Variants in MAST4 observed in about 807,000 individuals in gnomAD.
MAST4 encodes microtubule-associated serine/threonine-protein kinase 4.
MAST4 carries 89 observed loss-of-function variants against 162.7 expected under a neutral mutation model. That is an observed-to-expected ratio of 0.55 (90% CI 0.46 to 0.65). The LOEUF (loss-of-function observed/expected upper bound fraction) is 0.65, where lower values mean the gene tolerates loss of function less well. Among genes scored for constraint, MAST4 ranks in the 30% least tolerant of loss-of-function variants. MAST4 has a pLI of 0.00. For synonymous variants in MAST4, 1,479 were observed against 1,361.1 expected (o/e 1.09, Z -1.91); for missense variants, 3,153 against 3,374.0 (o/e 0.93, Z 1.62).
intron 4 of MAST4, among the ~76,000 whole-genome samples, chr5:67,015,973 A>G (rs1753243121): frequency 6.6e-6 from 1 of 152,202 alleles, no homozygotes; most frequent in South Asian, 2.1e-4. Flanking sequence ...TGTATGCCAA[A>G]TATTTATTGA....
intron 24 of MAST4, among the ~76,000 whole-genome samples, chr5:67,152,431 C>G (rs934987552): frequency 6.6e-6 from 1 of 152,204 alleles, no homozygotes; most frequent in Non-Finnish European, 1.5e-5. Flanking sequence ...AATAGCAACA[C>G]TCTTGAAGTT....
chr5:66,911,686 A>T (rs1763788984), intron 4 of MAST4, among the ~76,000 whole-genome samples: 1 of 151,052 alleles, frequency 6.6e-6, no homozygotes, highest in South Asian at 2.1e-4. Context: ...CTGAGCTGTG[A>T]TCATACCACT....
At chr5:66,739,803 GT>G (rs908007499) in intron 1 of MAST4, among the ~76,000 whole-genome samples, 3 of 140,988 alleles carry the variant, frequency 2.1e-5, no homozygotes, top group Non-Finnish European at 3.1e-5. Flanking sequence ...TTTTGTACAT[GT>G]TTTTTTTTCT....
chr5:66,653,151 A>C (rs1163559729), intron 1 of MAST4, among the ~76,000 whole-genome samples: 1 of 152,218 alleles, frequency 6.6e-6, no homozygotes, highest in African/African-American at 2.4e-5. Flanking sequence ...TTCATCATTA[A>C]TAGCACTATG....
intron 1 of MAST4, among the ~76,000 whole-genome samples, chr5:66,629,849 C>A (rs1026785160): frequency 6.6e-6 from 1 of 152,168 alleles, no homozygotes; most frequent in Non-Finnish European, 1.5e-5. Context: ...TTTATTATCG[C>A]TTCTTGGCCT....
intron 5 of MAST4, among the ~76,000 whole-genome samples, chr5:67,063,496 T>A (rs1480373986): frequency 6.6e-6 from 1 of 152,240 alleles, no homozygotes; most frequent in Non-Finnish European, 1.5e-5. Flanking sequence ...TCTCTGGGTG[T>A]AAGAGAATTT....
intron 5 of MAST4, among the ~76,000 whole-genome samples, chr5:67,056,256 A>C (rs1758806587): frequency 6.6e-6 from 1 of 152,038 alleles, no homozygotes; most frequent in South Asian, 2.1e-4. Flanking sequence ...TACTTCTATT[A>C]CTACCATTTC....
intron 4 of MAST4, among the ~76,000 whole-genome samples, chr5:66,968,971 T>C (rs1192471911): frequency 6.6e-6 from 1 of 152,234 alleles, no homozygotes; most frequent in Non-Finnish European, 1.5e-5. Flanking sequence ...ATGTAAGTTC[T>C]GGAGGGCAAG....
At chr5:66,861,113 T>A (rs1415271306) in intron 3 of MAST4, among the ~76,000 whole-genome samples, 1 of 152,260 alleles carries the variant, frequency 6.6e-6, no homozygotes, top group African/African-American at 2.4e-5. Context: ...ATCCTTCTGC[T>A]ACATGTGATT....
chr5:66,807,952 G>C (rs936482715), intron 3 of MAST4, among the ~76,000 whole-genome samples: 1 of 152,228 alleles, frequency 6.6e-6, no homozygotes, highest in Non-Finnish European at 1.5e-5. Flanking sequence ...TGATGGAAAA[G>C]AACAGTTGAC....
chr5:66,997,115 T>C (rs1053648595), intron 4 of MAST4, among the ~76,000 whole-genome samples: 1 of 152,176 alleles, frequency 6.6e-6, no homozygotes, highest in Non-Finnish European at 1.5e-5. Flanking sequence ...TTGTATCTTT[T>C]GTATAAATAT....
chr5:67,157,551 C>T (rs1683853899), intron 26 of MAST4, among the ~76,000 whole-genome samples: 1 of 152,158 alleles, frequency 6.6e-6, no homozygotes. Context: ...TTTACCATGC[C>T]ACGTGTCAAT....
chr5:66,684,140 C>T (rs774054079), intron 1 of MAST4, among the ~76,000 whole-genome samples: 2 of 152,174 alleles, frequency 1.3e-5, no homozygotes, highest in African/African-American at 4.8e-5. Context: ...TTGTGTTCCT[C>T]ACTTCTGATG....
chr5:67,057,251 G>C lies in MAST4; in HGVS notation c.763+2759G>C, dbSNP rs530737165. On this transcript the variant is annotated intron_variant, in intron 5 of 28. Transcript: ENST00000403625. The stretch of plus-strand genomic sequence containing the variant: ...TCTGTTGCTATGTTCTCTATCCTGC[G>C]TTGGACAAAGAGTGTCAGGCGAGGT... Among the ~76,000 whole-genome samples, 87 of 152,214 alleles carry C rather than the reference G, an allele frequency of 5.7e-4. 1 individual carries two copies. Among genetic ancestry groups the C allele is most frequent in the Non-Finnish European group, 7.8e-4 (53 of 68,010 alleles).
intron 3 of MAST4, among the ~76,000 whole-genome samples, chr5:66,875,597 A>G (rs1428605572): frequency 6.6e-6 from 1 of 152,230 alleles, no homozygotes; most frequent in Non-Finnish European, 1.5e-5. Flanking sequence ...GCACTTAATG[A>G]GTACCAAATT....
chr5:66,779,115 T>C (rs78662374), intron 2 of MAST4, among the ~76,000 whole-genome samples: 1,524 of 152,348 alleles, frequency 0.01, 32 homozygotes, highest in African/African-American at 0.034. Context: ...CTGGTGATAA[T>C]ATTCTAAAAA....
In MAST4 at chr5:66,962,257, G is replaced by A. The variant is rs573344511; in HGVS notation, c.674+62275G>A. ...ATACAGTGTAGAGCCATCGTCCAGC[G>A]GAGAGGCAAAATAACATTCTTTAAG... On this transcript the variant is annotated intron_variant, in intron 4 of 28. Coordinates refer to ENST00000403625, the MANE Select transcript of MAST4 (RefSeq NM_001164664.2). 1.4e-3 allele frequency among the ~76,000 whole-genome samples: 214 copies of A among 152,102 alleles called. 2 individuals are homozygous for A. Among genetic ancestry groups the A allele is most frequent in the African/African-American group, 4.7e-3 (197 of 41,484 alleles).
At chr5:66,968,744 ATTC>A (rs1383479820) in intron 4 of MAST4, among the ~76,000 whole-genome samples, 6 of 152,210 alleles carry the variant, frequency 3.9e-5, no homozygotes, top group African/African-American at 1.4e-4. Context: ...CTTATTTTTT[ATTC>A]TTCTATAAAT....
At chr5:66,958,100 G>T (rs1208933599) in intron 4 of MAST4, among the ~76,000 whole-genome samples, 1 of 151,794 alleles carries the variant, frequency 6.6e-6, no homozygotes, top group Non-Finnish European at 1.5e-5. Flanking sequence ...CCGCAGTTTG[G>T]CTCTGTCTCT....
Sources: allele counts gnomAD v4.1 joint callset (sites outside exome capture counted in the v4.1 genomes callset), GRCh38; gene constraint gnomAD v4.1.1; transcripts MANE v1.5; gene names NCBI Gene and HGNC (gene_info 2026-07-23, HGNC 2026-07-21).